CTTNBP2: variants seen among roughly 807,000 people sequenced by gnomAD.
The protein encoded by CTTNBP2 is cortactin binding protein 2.
A neutral mutation model predicts 156.9 loss-of-function variants in CTTNBP2; 108 were observed. That is an observed-to-expected ratio of 0.69 (90% CI 0.59 to 0.81). The LOEUF is 0.81. CTTNBP2 is among the 30% of genes least tolerant of loss of function. The pLI is 0.00. For missense variants in CTTNBP2, 1,924 were observed against 2,035.4 expected (o/e 0.95, Z 1.05); for synonymous variants, 767 against 751.8 (o/e 1.02, Z -0.33).
chr7:117,859,872 C>G (rs1179325243), intron 2 of CTTNBP2, among the ~76,000 whole-genome samples: 1 of 152,182 alleles, frequency 6.6e-6, no homozygotes, highest in Non-Finnish European at 1.5e-5. Flanking sequence ...ATCACTACAT[C>G]TGCTATGCCA....
At chr7:117,801,487 C>T (rs572868944) in intron 3 of CTTNBP2, among the ~76,000 whole-genome samples, 2 of 152,168 alleles carry the variant, frequency 1.3e-5, no homozygotes, top group Non-Finnish European at 2.9e-5. Context: ...AACGCAATGC[C>T]TGATCTTGAA....
At chr7:117,749,816 T>C (rs746908267) in intron 12 of CTTNBP2, among the ~76,000 whole-genome samples, 3 of 152,164 alleles carry the variant, frequency 2.0e-5, no homozygotes, top group African/African-American at 7.2e-5. Flanking sequence ...TTAGTCTTAA[T>C]GATAGTAGAA....
Position 117,710,934 on chromosome 7 carries a change from T to C in CTTNBP2, c.*603A>G, listed in dbSNP as rs965549732. ...CTTATAAGCATAAATATATACATGA[T>C]GCTACCAAATGGCAATGTAACCACT... On this transcript the variant is annotated 3_prime_UTR_variant, in exon 23 of 23. Coordinates refer to ENST00000160373, the MANE Select transcript of CTTNBP2 (RefSeq NM_033427.3). The C allele has an allele frequency of 2.6e-5, 4 of 152,646 alleles. No homozygotes were observed. The highest frequency in any genetic ancestry group is 9.6e-5 in the African/African-American group (4 of 41,460). 9.5% of individuals were successfully genotyped at this position (152,646 alleles called of 1,614,324 possible). A position where few individuals can be genotyped will look rare whatever the true frequency, so the allele number is the denominator to read the frequency against.
chr7:117,711,775 C>CT lies in CTTNBP2; in HGVS notation c.4753dup (p.Ser1585LysfsTer10), dbSNP rs1794069480. 1 of 1,610,866 alleles carries CT rather than the reference C, an allele frequency of 6.2e-7. No homozygotes were observed. Among genetic ancestry groups the CT allele is most frequent in the Admixed American group, 1.7e-5 (1 of 59,768 alleles). Reference sequence around the variant, plus strand: ...AGTAGTTTGATGGCTGCTGAGAGGACTGACCTCCTGTAAGAGACAAGAAAC... The same window carrying CT: ...AGTAGTTTGATGGCTGCTGAGAGGACTTGACCTCCTGTAAGAGACAAGAAAC... On this transcript the variant is annotated frameshift_variant, in exon 23 of 23. Transcript: ENST00000160373. LOFTEE classifies it high-confidence loss of function.
rs751389866 is a variant in CTTNBP2 at position 117,791,702 on chromosome 7, T to A, written c.1494A>T (p.Arg498Ser). 4 of 1,614,138 alleles carry A rather than the reference T, an allele frequency of 2.5e-6. No homozygotes were observed. The East Asian group carries it at 8.9e-5, about 36-fold the overall frequency. The change falls in exon 4 of 23, where the codon AGA (arginine) becomes AGT (serine). Residue 498 changes from arginine (R) to serine (S), a missense_variant. Physicochemically the swap from Arg to Ser is moderately radical, Grantham distance 110. Transcript: ENST00000160373. Reference protein sequence around the residue: ...ARNTVTQALSRFTSPQAGAPS... With the variant: ...ARNTVTQALSSFTSPQAGAPS... ...GAGCACCTGCTTGAGGGCTTGTAAA[T>A]CTTGACAGTGCTTGGGTCACAGTAT...
At chr7:117,740,281 T>TTTTTTTTTTTTTTTTTTTTTTTTGAG (rs1795924919) in intron 14 of CTTNBP2, among the ~76,000 whole-genome samples, 2 of 150,978 alleles carry the variant, frequency 1.3e-5, no homozygotes. Context: ...TTTAGATTCT[T>TTTTTTTTTTTTTTTTTTTTTTTTGAG]AAACCTAATT....
At chr7:117,835,266 C>T (rs1412911255) in intron 2 of CTTNBP2, among the ~76,000 whole-genome samples, 1 of 152,178 alleles carries the variant, frequency 6.6e-6, no homozygotes, top group Non-Finnish European at 1.5e-5. Flanking sequence ...GAAAGATATG[C>T]ACACTAATTC....
intron 22 of CTTNBP2, among the ~76,000 whole-genome samples, chr7:117,713,267 A>G (rs1042089287): frequency 1.3e-5 from 2 of 152,112 alleles, no homozygotes; most frequent in African/African-American, 4.8e-5. Flanking sequence ...CACATTGATA[A>G]TCTTTCCCTT....
At chr7:117,805,462 TTC>T (rs1229571894) in intron 3 of CTTNBP2, among the ~76,000 whole-genome samples, 2 of 152,196 alleles carry the variant, frequency 1.3e-5, no homozygotes, top group Non-Finnish European at 2.9e-5. Flanking sequence ...GCTGTTCAAC[TTC>T]TCTGTGACCT....
At chr7:117,768,112 CA>C (rs1476054399) in intron 8 of CTTNBP2, among the ~76,000 whole-genome samples, 85 of 152,072 alleles carry the variant, frequency 5.6e-4, no homozygotes, top group South Asian at 1.5e-3. Flanking sequence ...CACACACACA[CA>C]CACCCACTTG....
intron 9 of CTTNBP2, 56 bp downstream of exon 9, chr7:117,767,003 C>G: frequency 4.1e-6 from 4 of 966,012 alleles, no homozygotes; most frequent in Non-Finnish European, 6.7e-6. Context: ...CCCATTGTAC[C>G]AGAGGCCCCA....
Position 117,746,087 on chromosome 7 carries a change from G to A in CTTNBP2, c.3361C>T (p.His1121Tyr), listed in dbSNP as rs201865331. The change falls in exon 13 of 23, where the codon CAT (histidine) becomes TAT (tyrosine). Residue 1121 changes from histidine to tyrosine, a missense_variant. Transcript: ENST00000160373. ...QNYLRLVEQY[H>Y]NVIFHGPEGS... ...TCTGGGCCGTGGAAAATGACATTAT[G>A]ATATTGCTCAACCTATTAACAAACC... 1.5e-4 allele frequency: 240 copies of A among 1,613,544 alleles called. No homozygotes were observed. The highest frequency in any genetic ancestry group is 2.0e-4 in the South Asian group (18 of 91,066).
intron 3 of CTTNBP2, among the ~76,000 whole-genome samples, chr7:117,799,774 T>C (rs1477361342): frequency 6.6e-6 from 1 of 152,074 alleles, no homozygotes; most frequent in Non-Finnish European, 1.5e-5. Context: ...ATCATGAATA[T>C]ACAAAATAAT....
intron 2 of CTTNBP2, among the ~76,000 whole-genome samples, chr7:117,823,661 G>T (rs1283667000): frequency 6.6e-6 from 1 of 152,142 alleles, no homozygotes; most frequent in African/African-American, 2.4e-5. Context: ...CCCAGCCAAG[G>T]ATAAGAACTA....
intron 2 of CTTNBP2, among the ~76,000 whole-genome samples, chr7:117,855,086 G>A (rs1803206291): frequency 6.6e-6 from 1 of 152,058 alleles, no homozygotes; most frequent in East Asian, 1.9e-4. Flanking sequence ...AGCCCAGCCT[G>A]AGATATATCT....
chr7:117,829,129 A>C (rs1801460104), intron 2 of CTTNBP2, among the ~76,000 whole-genome samples: 1 of 152,202 alleles, frequency 6.6e-6, no homozygotes, highest in African/African-American at 2.4e-5. Flanking sequence ...TGCAGGCCTC[A>C]GTGGCCTCAG....
At chr7:117,774,240 G>A (rs2116744457) in intron 8 of CTTNBP2, among the ~76,000 whole-genome samples, 1 of 152,170 alleles carries the variant, frequency 6.6e-6, no homozygotes, top group South Asian at 2.1e-4. Context: ...AAAAGACCAG[G>A]GGCTAACGTG....
chr7:117,795,747 ATTCTT>A (rs1269828145), intron 3 of CTTNBP2, among the ~76,000 whole-genome samples: 2 of 152,212 alleles, frequency 1.3e-5, no homozygotes, highest in Non-Finnish European at 2.9e-5. Context: ...AGCATCTGTA[ATTCTT>A]TTCTATCTTT....
chr7:117,808,708 G>A lies in CTTNBP2; in HGVS notation c.414+2057C>T, dbSNP rs549216709. On this transcript the variant is annotated intron_variant, in intron 3 of 22. Coordinates refer to ENST00000160373, the MANE Select transcript of CTTNBP2 (RefSeq NM_033427.3). The stretch of plus-strand genomic sequence containing the variant: ...AGAACTGAACTCATTTAAAATAATG[G>A]ATTTTTTTTCCTTATGGCTTTTAGA... 8.7e-4 allele frequency among the ~76,000 whole-genome samples: 133 copies of A among 152,254 alleles called. 1 individual carries two copies. Among genetic ancestry groups the A allele is most frequent in the Admixed American group, 8.6e-3 (131 of 15,288 alleles).
Sources: gnomAD v4.1 joint callset for allele counts (sites outside exome capture counted in the v4.1 genomes callset) on GRCh38, gnomAD v4.1.1 for gene constraint, MANE v1.5 for transcripts, NCBI Gene and HGNC (gene_info 2026-07-23, HGNC 2026-07-21) for gene names.